Variants in MUC17 observed in about 807,000 individuals in gnomAD.
The protein encoded by MUC17 is mucin 17, cell surface associated.
Under a neutral mutation model 170.3 loss-of-function variants are expected in MUC17, and 190 were observed. The observed-to-expected ratio is 1.12, with a 90% CI of 0.99 to 1.26. The LOEUF is 1.26. Ranked by LOEUF, MUC17 falls within the 50% of genes most tolerant of loss-of-function variation. The pLI, the probability that MUC17 is intolerant of heterozygous loss-of-function variation, is 0.00. For synonymous variants in MUC17, 2,325 were observed against 2,002.5 expected (o/e 1.16, Z -4.30); for missense variants, 6,415 against 5,530.0 (o/e 1.16, Z -5.08).
chr7:101,039,975 T>G lies in MUC17; in HGVS notation c.8559T>G (p.Thr2853=), dbSNP rs191004415. 2 of 1,613,444 alleles carry G rather than the reference T, an allele frequency of 1.2e-6. No homozygotes were observed. The highest frequency in any genetic ancestry group is 1.7e-6 in the Non-Finnish European group (2 of 1,179,840). The change falls in exon 3 of 13, where the codon ACT becomes ACG. Residue 2853 remains threonine, a synonymous_variant. Transcript: ENST00000306151. ...CTAAAGCCAGTTCATCTCCTACAAC[T>G]GCTGAAGGTATCGTCGTGCCAATCT... The part of the protein sequence containing the change: ...TSTKASSSPT[T]AEGIVVPIST...
rs115494901 is a variant in MUC17 at position 101,023,127 on chromosome 7, C to T, written c.82+2910C>T. On this transcript the variant is annotated intron_variant, in intron 1 of 12. Transcript: ENST00000306151. Reference sequence around the variant, plus strand: ...GCGGGTGGTTGGTGGCAATCTCTGGCGTTCCTGGGCTGGTAGACGCTTTGC... The same window carrying T: ...GCGGGTGGTTGGTGGCAATCTCTGGTGTTCCTGGGCTGGTAGACGCTTTGC... Among the ~76,000 whole-genome samples the T allele has an allele frequency of 3.1e-3, 469 of 152,188 alleles. 3 individuals are homozygous for T. The highest frequency in any genetic ancestry group is 0.011 in the African/African-American group (443 of 41,520).
chr7:101,032,720 C>A lies in MUC17; in HGVS notation c.1304C>A (p.Thr435Lys), dbSNP rs766914024. 78 of 1,577,862 alleles carry A rather than the reference C, an allele frequency of 4.9e-5. 1 individual carries two copies. In the East Asian group the frequency reaches 1.7e-3, roughly 34 times the overall value. Residue 435 changes from threonine to lysine, a missense_variant, in exon 3 of 13, where the codon ACA (threonine) becomes AAA (lysine). Physicochemically the swap from Thr to Lys is moderately conservative, Grantham distance 78 (BLOSUM62 -1). Coordinates refer to ENST00000306151, the MANE Select transcript of MUC17 (RefSeq NM_001040105.2). ...TTASEASSSP[T>K]TAEDTSIATS... ...GCTAGTGAAGCCAGCTCATCTCCCA[C>A]AACTGCTGAAGATACCAGCATTGCA...
intron 3 of MUC17, among the ~76,000 whole-genome samples, 195 bp from the exon 4 acceptor site, chr7:101,047,789 C>T (rs1020941742): frequency 6.6e-6 from 1 of 152,118 alleles, no homozygotes; most frequent in African/African-American, 2.4e-5. Context: ...CAAGATCGCG[C>T]CATTGCACTC....
chr7:101,047,532 T>C (rs937050773), intron 3 of MUC17, among the ~76,000 whole-genome samples: 1 of 152,062 alleles, frequency 6.6e-6, no homozygotes, highest in Admixed American at 6.6e-5. Flanking sequence ...GAGAGTATCA[T>C]ATTAGGCAGT....
At position 101,038,671 on chromosome 7, in the gene MUC17, A is replaced by G. The variant is rs1182472834; in HGVS notation, c.7255A>G (p.Thr2419Ala). Residue 2419 changes from threonine to alanine, a missense_variant, in exon 3 of 13, where the codon ACA (threonine) becomes GCA (alanine). Coordinates refer to ENST00000306151, the MANE Select transcript of MUC17 (RefSeq NM_001040105.2). ...VVSSEASTHS[T>A]TPVDTSTPVT... is the part of the protein sequence containing the mutation. Reference sequence around the variant, plus strand: ...CAGTTCTGAGGCTAGCACCCATTCCACAACTCCTGTTGACACCAGCACACC... The same window carrying G: ...CAGTTCTGAGGCTAGCACCCATTCCGCAACTCCTGTTGACACCAGCACACC... 2 of 1,613,362 alleles carry G rather than the reference A, an allele frequency of 1.2e-6. No homozygotes were observed. Among genetic ancestry groups the G allele is most frequent in the East Asian group, 2.2e-5 (1 of 44,764 alleles).
Position 101,042,737 on chromosome 7 carries a change from C to G in MUC17, c.11321C>G (p.Pro3774Arg). ...ACGAGGTTTCCTGAGAGTAGCACCC[C>G]TTCCATACCATCTGTTTACACCAGC... ...PVTRFPESST[P>R]SIPSVYTSMS... Residue 3774 changes from proline (P) to arginine (R), a missense_variant, in exon 3 of 13, where the codon CCT becomes CGT. By Grantham distance (103) the Pro-to-Arg change is moderately radical. Transcript: ENST00000306151. 1 of 1,613,966 alleles carries G rather than the reference C, an allele frequency of 6.2e-7. No individual in the cohort carries two copies. Among genetic ancestry groups the G allele is most frequent in the Non-Finnish European group, 8.5e-7 (1 of 1,180,028 alleles).
In MUC17 at chr7:101,032,066, C is replaced by A; in HGVS notation, c.650C>A (p.Pro217Gln). 1 of 1,614,200 alleles carries A rather than the reference C, an allele frequency of 6.2e-7. No individual in the cohort carries two copies. The highest frequency in any genetic ancestry group is 1.3e-5 in the African/African-American group (1 of 75,066). ...TCAACTAACAGTGAAGGAAGCACTC[C>A]ATTAACAAGTATGCCTGCCAGCACC... is the stretch of plus-strand genomic sequence containing the variant. ...PKSTNSEGST[P>Q]LTSMPASTMK... is the part of the protein sequence containing the mutation. Residue 217 changes from proline to glutamine, a missense_variant, in exon 3 of 13, where the codon CCA becomes CAA. Pro to Gln is a moderately conservative substitution (Grantham distance 76). Coordinates refer to ENST00000306151, the MANE Select transcript of MUC17 (RefSeq NM_001040105.2).
rs371466488 is a variant in MUC17 at position 101,034,706 on chromosome 7, G to A, written c.3290G>A (p.Ser1097Asn). 2 of 1,606,734 alleles carry A rather than the reference G, an allele frequency of 1.2e-6. No individual in the cohort carries two copies. Among genetic ancestry groups the A allele is most frequent in the African/African-American group, 2.7e-5 (2 of 74,504 alleles). ...DGTSMPTSTY[S>N]EGSTPLTSVP... ...ACCAGCATGCCAACCTCAACTTATA[G>A]TGAAGGAAGCACTCCACTAACAAGT... The change falls in exon 3 of 13, where the codon AGT (serine) becomes AAT (asparagine). Residue 1097 changes from serine (S) to asparagine (N), a missense_variant. Transcript: ENST00000306151.
Position 101,036,342 on chromosome 7 carries a change from G to C in MUC17, c.4926G>C (p.Pro1642=), listed in dbSNP as rs368056044. 2.5e-6 allele frequency: 4 copies of C among 1,613,292 alleles called. No individual in the cohort carries two copies. The highest frequency in any genetic ancestry group is 3.3e-5 in the Admixed American group (2 of 59,924). ...LLTSIPVSTT[P]VASPEASTLS... is the part of the protein sequence containing the mutation. Reference sequence around the variant, plus strand: ...CAAGTATACCTGTCAGCACCACGCCGGTGGCCAGTCCTGAGGCTAGCACCC... The same window carrying C: ...CAAGTATACCTGTCAGCACCACGCCCGTGGCCAGTCCTGAGGCTAGCACCC... The change falls in exon 3 of 13, where the codon CCG becomes CCC. Residue 1642 remains proline (P), a synonymous_variant. Coordinates refer to ENST00000306151, the MANE Select transcript of MUC17 (RefSeq NM_001040105.2).
chr7:101,047,043 T>C lies in MUC17; in HGVS notation c.12404-941T>C, dbSNP rs1794854807. On this transcript the variant is annotated intron_variant, in intron 3 of 12. Coordinates refer to ENST00000306151, the MANE Select transcript of MUC17 (RefSeq NM_001040105.2). ...TTGCAGTGAGCCGAGATCACGCCAC[T>C]GCACTCCAGCCCGGGCGACAGAGCA... Among the ~76,000 whole-genome samples the C allele has an allele frequency of 2.0e-5, 3 of 150,298 alleles. No individual in the cohort carries two copies. In the South Asian group the frequency reaches 6.3e-4, roughly 32 times the overall value.
chr7:101,036,830 A>C lies in MUC17; in HGVS notation c.5414A>C (p.Glu1805Ala). Residue 1805 changes from glutamate to alanine, a missense_variant, in exon 3 of 13, where the codon GAA becomes GCA. Physicochemically the swap from Glu to Ala is moderately radical, Grantham distance 107. Transcript: ENST00000306151. The stretch of plus-strand genomic sequence containing the variant: ...AGCATACCAACCTCGACTCTTAGTG[A>C]AGGAATGACTCCATTAACAAGCACA... ...GTSIPTSTLSEGMTPLTSTPV... is the reference protein window; with the variant it reads ...GTSIPTSTLSAGMTPLTSTPV... 1 of 1,605,620 alleles carries C rather than the reference A, an allele frequency of 6.2e-7. No homozygotes were observed. The highest frequency in any genetic ancestry group is 8.5e-7 in the Non-Finnish European group (1 of 1,175,698).
At chr7:101,028,088 A>T (rs879833689) in intron 1 of MUC17, among the ~76,000 whole-genome samples, 149 of 146,004 alleles carry the variant, frequency 1.0e-3, no homozygotes, top group Admixed American at 1.8e-3. Context: ...ATTTTTTTTT[A>T]ATTCTTTTTT....
At chr7:101,026,209 C>T (rs950691463) in intron 1 of MUC17, among the ~76,000 whole-genome samples, 2 of 152,212 alleles carry the variant, frequency 1.3e-5, no homozygotes, top group East Asian at 1.9e-4. Flanking sequence ...AAGGTGCTCA[C>T]GGGGAGCCCT....
Position 101,037,093 on chromosome 7 carries a change from G to A in MUC17, c.5677G>A (p.Val1893Ile). Residue 1893 changes from valine to isoleucine, a missense_variant, in exon 3 of 13, where the codon GTC (valine) becomes ATC (isoleucine). Physicochemically the swap from Val to Ile is conservative, Grantham distance 29 (BLOSUM62 3). Transcript: ENST00000306151. Reference sequence around the variant, plus strand: ...CAACACCCTTTCAACAACTCCCGCTGTCACCAGCACACCTGTGACCACTTA... The same window carrying A: ...CAACACCCTTTCAACAACTCCCGCTATCACCAGCACACCTGTGACCACTTA... ...ETNTLSTTPAVTSTPVTTYAQ... is the reference protein window; with the variant it reads ...ETNTLSTTPAITSTPVTTYAQ... 1 of 1,584,180 alleles carries A rather than the reference G, an allele frequency of 6.3e-7. No individual in the cohort carries two copies. The highest frequency in any genetic ancestry group is 8.5e-7 in the Non-Finnish European group (1 of 1,178,028).
At position 101,035,539 on chromosome 7, in the gene MUC17, T is replaced by G. The variant is rs4367469; in HGVS notation, c.4123T>G (p.Cys1375Gly). 6.2e-7 allele frequency: 1 copy of G among 1,611,502 alleles called. No individual in the cohort carries two copies. Among genetic ancestry groups the G allele is most frequent in the South Asian group, 1.1e-5 (1 of 90,870 alleles). The change falls in exon 3 of 13, where the codon TGT (cysteine) becomes GGT (glycine). Residue 1375 changes from cysteine (C) to glycine (G), a missense_variant. Cys to Gly is a radical substitution (Grantham distance 159, BLOSUM62 -3). Coordinates refer to ENST00000306151, the MANE Select transcript of MUC17 (RefSeq NM_001040105.2). ...ACCTGTGACCACTTCTACTGAAGCC[T>G]GTTCATCTCCTACAACTTCTGAAGG... ...STPVTTSTEA[C>G]SSPTTSEGTS...
intron 11 of MUC17, among the ~76,000 whole-genome samples, chr7:101,055,275 C>A (rs1233935817): frequency 6.6e-6 from 1 of 151,696 alleles, no homozygotes; most frequent in Non-Finnish European, 1.5e-5. Context: ...ATCTAGGTAT[C>A]CACTGTCGGT....
At chr7:101,050,750 C>T in intron 7 of MUC17, 115 bp downstream of exon 7, 1 of 1,423,094 alleles carries the variant, frequency 7.0e-7, no homozygotes. Context: ...GCAAGAATCA[C>T]TGTGGGGTCC....
intron 11 of MUC17, among the ~76,000 whole-genome samples, chr7:101,054,607 T>G (rs1449479693): frequency 6.6e-6 from 1 of 151,918 alleles, no homozygotes; most frequent in Admixed American, 6.6e-5. Context: ...GGCTGGAGGA[T>G]CTCTTGAGGC....
intron 1 of MUC17, among the ~76,000 whole-genome samples, chr7:101,022,018 C>G (rs1484160778): frequency 6.6e-6 from 1 of 152,198 alleles, no homozygotes; most frequent in African/African-American, 2.4e-5. Context: ...CTCATCCCTA[C>G]ACCCAGCATG....
Sources: allele counts gnomAD v4.1 joint callset (sites outside exome capture counted in the v4.1 genomes callset), GRCh38; gene constraint gnomAD v4.1.1; transcripts MANE v1.5; gene names NCBI Gene and HGNC (gene_info 2026-07-23, HGNC 2026-07-21).